Variants in CLEC1A observed in about 807,000 individuals in gnomAD.
CLEC1A encodes C-type lectin domain family 1 member A, also known as C-type lectin-like receptor-1.
CLEC1A carries 34 observed loss-of-function variants against 28.7 expected under a neutral mutation model. That is an observed-to-expected ratio of 1.18 (90% CI 0.90 to 1.57). CLEC1A has a LOEUF of 1.57. Ranked by LOEUF, CLEC1A falls within the 40% of genes most tolerant of loss-of-function variation. The pLI is 0.00. For synonymous variants in CLEC1A, 116 were observed against 121.0 expected (o/e 0.96, Z 0.27); for missense variants, 385 against 339.5 (o/e 1.13, Z -1.05).
chr12:10,076,273 G>A (rs1013480624), intron 3 of CLEC1A, among the ~76,000 whole-genome samples: 32 of 152,194 alleles, frequency 2.1e-4, no homozygotes, highest in African/African-American at 6.7e-4. Context: ...ACATGACCTT[G>A]GGTCATTTAG....
In CLEC1A at chr12:10,071,496, T is replaced by C. The variant is rs373331560; in HGVS notation, c.680A>G (p.Asp227Gly). 2.7e-5 allele frequency: 44 copies of C among 1,608,104 alleles called. No individual in the cohort carries two copies. The highest frequency in any genetic ancestry group is 3.7e-5 in the Non-Finnish European group (43 of 1,177,468). Residue 227 changes from aspartate (D) to glycine (G), a missense_variant, in exon 6 of 6, where the codon GAT becomes GGT. Physicochemically the swap from Asp to Gly is moderately conservative, Grantham distance 94. Coordinates refer to ENST00000315330, the MANE Select transcript of CLEC1A (RefSeq NM_016511.4). ...FTSELFHIII[D>G]VTSPRSRDCV... ...GTCTCTGCTTCTTGGGCTGGTGACA[T>C]CTATTATAATATGGAACCTTAAGAA...
At chr12:10,075,738 C>A (rs897616944) in intron 3 of CLEC1A, 83 bp from the exon 4 acceptor site, 4 of 1,227,496 alleles carry the variant, frequency 3.3e-6, no homozygotes, top group Non-Finnish European at 4.6e-6. Context: ...ATTTGATGTC[C>A]TAAGAAAGAA....
chr12:10,088,125 C>G (rs558293657), intron 2 of CLEC1A, among the ~76,000 whole-genome samples: 1 of 152,174 alleles, frequency 6.6e-6, no homozygotes, highest in East Asian at 1.9e-4. Context: ...TCATTGAGAA[C>G]AAGTAAATTC....
Position 10,095,000 on chromosome 12 carries a change from C to T in CLEC1A, c.115+3808G>A, listed in dbSNP as rs1169713005. Reference sequence around the variant, plus strand: ...ATTCCTATATTGCTTCTGCGGCCTCCAACATTGATTTAATAGCACTAAATG... The same window carrying T: ...ATTCCTATATTGCTTCTGCGGCCTCTAACATTGATTTAATAGCACTAAATG... On this transcript the variant is annotated intron_variant, in intron 1 of 5. Coordinates refer to ENST00000315330, the MANE Select transcript of CLEC1A (RefSeq NM_016511.4). 2.0e-5 allele frequency among the ~76,000 whole-genome samples: 3 copies of T among 152,174 alleles called. No individual in the cohort carries two copies. In the East Asian group the frequency reaches 5.8e-4, roughly 29 times the overall value.
At chr12:10,073,228 G>C (rs1237896600) in intron 5 of CLEC1A, 65 bp downstream of exon 5, 2 of 1,198,930 alleles carry the variant, frequency 1.7e-6, no homozygotes, top group African/African-American at 3.0e-5. Context: ...AAATTCTTGA[G>C]CTCTATCACT....
At chr12:10,079,827 A>T (rs1048861845) in intron 3 of CLEC1A, among the ~76,000 whole-genome samples, 1 of 152,100 alleles carries the variant, frequency 6.6e-6, no homozygotes, top group East Asian at 1.9e-4. Flanking sequence ...TTAAAAAAAA[A>T]AATTAAAAAT....
At chr12:10,085,033 GATA>G (rs1866456520) in intron 2 of CLEC1A, among the ~76,000 whole-genome samples, 1 of 151,982 alleles carries the variant, frequency 6.6e-6, no homozygotes, top group African/African-American at 2.4e-5. Flanking sequence ...ATGAAAGAGA[GATA>G]ATGTTTTTTT....
At chr12:10,089,266 T>C (rs1866565174) in intron 1 of CLEC1A, 44 bp from the exon 2 acceptor site, 2 of 1,508,908 alleles carry the variant, frequency 1.3e-6, no homozygotes, top group East Asian at 4.5e-5. Context: ...TTTTTCTTCC[T>C]CTTGCATCTA....
At chr12:10,087,909 A>G (rs1866534327) in intron 2 of CLEC1A, among the ~76,000 whole-genome samples, 1 of 152,034 alleles carries the variant, frequency 6.6e-6, no homozygotes, top group Non-Finnish European at 1.5e-5. Context: ...TTAGTTCCTA[A>G]CTTCAGGAAT....
chr12:10,076,527 A>G (rs779497492), intron 3 of CLEC1A, among the ~76,000 whole-genome samples: 3 of 152,188 alleles, frequency 2.0e-5, no homozygotes, highest in Admixed American at 6.5e-5. Flanking sequence ...CATGTTATGA[A>G]AAACTTGCTG....
chr12:10,091,312 A>C (rs1327649264), intron 1 of CLEC1A, among the ~76,000 whole-genome samples: 1 of 152,232 alleles, frequency 6.6e-6, no homozygotes. Flanking sequence ...CAAAAAATGA[A>C]ATAATAAAAA....
rs777650508 is a variant in CLEC1A at position 10,071,412 on chromosome 12, C to G, written c.764G>C (p.Cys255Ser). ...FSKDCKELKR[C>S]VCERRAGMVK... is the part of the protein sequence containing the mutation. ...CATTCCTGCCCTTCTCTCACAGACA[C>G]AACGCTTCAATTCTTTGCAGTCCTT... Residue 255 changes from cysteine (C) to serine (S), a missense_variant, in exon 6 of 6, where the codon TGT (cysteine) becomes TCT (serine). Cys to Ser is a moderately radical substitution (Grantham distance 112). Transcript: ENST00000315330. The G allele has an allele frequency of 1.2e-6, 2 of 1,614,026 alleles. No individual in the cohort carries two copies. The highest frequency in any genetic ancestry group is 2.2e-5 in the South Asian group (2 of 91,080).
chr12:10,084,380 T>G (rs546768491), intron 2 of CLEC1A: 2 of 152,328 alleles, frequency 1.3e-5, no homozygotes, highest in South Asian at 4.1e-4. Context: ...AGGGTATATG[T>G]GTAGCTGCAC....
intron 3 of CLEC1A, among the ~76,000 whole-genome samples, chr12:10,080,096 GT>G (rs1378145391): frequency 6.6e-6 from 1 of 152,138 alleles, no homozygotes; most frequent in Non-Finnish European, 1.5e-5. Flanking sequence ...AACACCTGAG[GT>G]TGGGAGTTCA....
chr12:10,083,155 G>A (rs1002989976), intron 2 of CLEC1A, among the ~76,000 whole-genome samples: 2 of 152,220 alleles, frequency 1.3e-5, no homozygotes, highest in African/African-American at 4.8e-5. Flanking sequence ...AGACCTAGGG[G>A]AAGGGGGAGA....
At chr12:10,094,642 A>G (rs558517762) in intron 1 of CLEC1A, among the ~76,000 whole-genome samples, 1 of 152,280 alleles carries the variant, frequency 6.6e-6, no homozygotes, top group East Asian at 1.9e-4. Flanking sequence ...ATTTTCAATC[A>G]TCTTCCTATC....
intron 1 of CLEC1A, among the ~76,000 whole-genome samples, chr12:10,090,384 G>C (rs924431064): frequency 6.6e-6 from 1 of 152,070 alleles, no homozygotes; most frequent in Admixed American, 6.6e-5. Context: ...CTGAGGAGCC[G>C]GAACTACAGG....
intron 1 of CLEC1A, among the ~76,000 whole-genome samples, chr12:10,089,713 A>T (rs1866573673): frequency 6.6e-6 from 1 of 152,026 alleles, no homozygotes; most frequent in South Asian, 2.1e-4. Context: ...CTAAAAGGCA[A>T]ATTGCATGTT....
intron 1 of CLEC1A, among the ~76,000 whole-genome samples, chr12:10,097,200 G>A (rs1413672331): frequency 6.6e-6 from 1 of 152,072 alleles, no homozygotes; most frequent in Non-Finnish European, 1.5e-5. Flanking sequence ...TACGTCAATT[G>A]TTATTGACAA....
Sources: allele counts gnomAD v4.1 joint callset (sites outside exome capture counted in the v4.1 genomes callset), GRCh38; gene constraint gnomAD v4.1.1; transcripts MANE v1.5; gene names NCBI Gene and HGNC (gene_info 2026-07-23, HGNC 2026-07-21).